OVCH1: variants seen among roughly 807,000 people sequenced by gnomAD.
The protein encoded by OVCH1 is ovochymase-1.
OVCH1 carries 139 observed loss-of-function variants against 138.4 expected under a neutral mutation model. The observed-to-expected ratio is 1.00, with a 90% confidence interval of 0.87 to 1.16. The LOEUF is 1.16. OVCH1 is among the 50% of genes most tolerant of loss of function. The pLI is 0.00. For missense variants in OVCH1, 1,367 were observed against 1,357.9 expected, an observed-to-expected ratio of 1.01 and a Z score of -0.11; for synonymous variants, 453 against 467.8, an observed-to-expected ratio of 0.97 and a Z score of 0.41.
intron 3 of OVCH1, among the ~76,000 whole-genome samples, chr12:29,413,940 A>G (rs1940997063): frequency 1.3e-5 from 2 of 151,850 alleles, no homozygotes; most frequent in Admixed American, 6.6e-5. Context: ...CTTTCTGCCA[A>G]ATTTTCTTGA....
intron 21 of OVCH1, 45 bp downstream of exon 21, chr12:29,454,796 A>G (rs934397191): frequency 1.6e-5 from 25 of 1,522,356 alleles, no homozygotes; most frequent in Non-Finnish European, 2.1e-5. Flanking sequence ...CTTCTTGCCA[A>G]ATTCTGGCTG....
intron 6 of OVCH1, among the ~76,000 whole-genome samples, chr12:29,489,337 G>T (rs1943210454): frequency 6.6e-6 from 1 of 152,172 alleles, no homozygotes. Flanking sequence ...TTGTGAAAGT[G>T]GTCATCTTGC....
intron 27 of OVCH1, among the ~76,000 whole-genome samples, chr12:29,431,229 G>C (rs1401569433): frequency 6.6e-6 from 1 of 152,098 alleles, no homozygotes; most frequent in African/African-American, 2.4e-5. Context: ...TTGAGCCCAG[G>C]AGGTTGAGAC....
intron 19 of OVCH1, among the ~76,000 whole-genome samples, chr12:29,461,307 A>G (rs534896123): frequency 6.6e-6 from 1 of 152,180 alleles, no homozygotes; most frequent in Non-Finnish European, 1.5e-5. Flanking sequence ...GACTTTGTGA[A>G]GGTTAAAGCT....
intron 8 of OVCH1, among the ~76,000 whole-genome samples, chr12:29,483,993 TA>T (rs1943016281): frequency 6.6e-6 from 1 of 152,226 alleles, no homozygotes; most frequent in African/African-American, 2.4e-5. Flanking sequence ...TCTTGTAGTA[TA>T]GTTATTTTTG....
At chr12:29,442,483 GA>G (rs1252904519) in intron 25 of OVCH1, among the ~76,000 whole-genome samples, 1 of 99,562 alleles carries the variant, frequency 1.0e-5, no homozygotes, top group African/African-American at 3.9e-5. Context: ...GGGGTGGGGG[GA>G]GGGGGGAGGG....
At chr12:29,433,249 G>A (rs1310596246) in intron 27 of OVCH1, among the ~76,000 whole-genome samples, 2 of 152,178 alleles carry the variant, frequency 1.3e-5, no homozygotes, top group Non-Finnish European at 2.9e-5. Flanking sequence ...GAGGGACCCG[G>A]TAGGAGGTAA....
intron 14 of OVCH1, 68 bp from the exon 15 acceptor site, chr12:29,473,171 C>T: frequency 3.5e-6 from 4 of 1,130,836 alleles, no homozygotes; most frequent in East Asian, 2.6e-5. Context: ...CACTTGCTTA[C>T]CCTGGTAAAT....
the OVCH1 span, among the ~76,000 whole-genome samples, chr12:29,405,395 A>G: frequency 6.6e-6 from 1 of 152,204 alleles, no homozygotes; most frequent in East Asian, 1.9e-4. Context: ...GTGTTTTTAA[A>G]TATCCATACC....
At chr12:29,453,485 A>G (rs2135948651) in intron 21 of OVCH1, among the ~76,000 whole-genome samples, 1 of 152,104 alleles carries the variant, frequency 6.6e-6, no homozygotes, top group South Asian at 2.1e-4. Flanking sequence ...CAGCCCCTAG[A>G]CACTTGATCA....
At chr12:29,405,053 A>AAAAAAG in the OVCH1 span, among the ~76,000 whole-genome samples, 1 of 124,774 alleles carries the variant, frequency 8.0e-6, no homozygotes, top group African/African-American at 2.8e-5. Flanking sequence ...AAAAAAAAAA[A>AAAAAAG]AAACAAAAGA....
intron 3 of OVCH1, among the ~76,000 whole-genome samples, chr12:29,414,670 A>C (rs1941008625): frequency 6.6e-6 from 1 of 152,210 alleles, no homozygotes; most frequent in African/African-American, 2.4e-5. Context: ...AATCTTTAAA[A>C]TATTTTTACC....
chr12:29,442,216 C>T (rs989258995), intron 25 of OVCH1, among the ~76,000 whole-genome samples: 1 of 152,000 alleles, frequency 6.6e-6, no homozygotes, highest in African/African-American at 2.4e-5. Flanking sequence ...AGACTTGGAA[C>T]CAAGCCAAAT....
At chr12:29,431,849 T>A (rs1436314) in intron 27 of OVCH1, among the ~76,000 whole-genome samples, 1 of 152,122 alleles carries the variant, frequency 6.6e-6, no homozygotes, top group Non-Finnish European at 1.5e-5. Flanking sequence ...GTCTCTTACC[T>A]GAGTTAACCC....
At chr12:29,406,090 A>T in the OVCH1 span, among the ~76,000 whole-genome samples, 1 of 152,194 alleles carries the variant, frequency 6.6e-6, no homozygotes, top group South Asian at 2.1e-4. Flanking sequence ...ACCTTCAAGT[A>T]TGAGTTTTCA....
chr12:29,447,522 C>T (rs957275670), intron 22 of OVCH1, among the ~76,000 whole-genome samples: 1 of 152,064 alleles, frequency 6.6e-6, no homozygotes, highest in Non-Finnish European at 1.5e-5. Flanking sequence ...GTCCGAGTCC[C>T]TAGGTGTTGA....
the OVCH1 span, among the ~76,000 whole-genome samples, chr12:29,403,180 T>C: frequency 3.9e-5 from 6 of 152,208 alleles, no homozygotes; most frequent in East Asian, 1.2e-3. Flanking sequence ...ATTACAATTA[T>C]TAGGCTGAAT....
At chr12:29,487,599 G>C (rs1238963991) in intron 7 of OVCH1, 94 bp downstream of exon 7, 20 of 1,227,484 alleles carry the variant, frequency 1.6e-5, no homozygotes, top group Non-Finnish European at 2.2e-5. Context: ...CCTCATTCTT[G>C]CTTTGTTCTA....
At chr12:29,487,916 A>G in intron 6 of OVCH1, 34 bp from the exon 7 acceptor site, 2 of 1,561,896 alleles carry the variant, frequency 1.3e-6, no homozygotes, top group South Asian at 1.2e-5. Context: ...AAATTTGAAA[A>G]TAGCCACAGT....
Sources: allele counts gnomAD v4.1 joint callset (sites outside exome capture counted in the v4.1 genomes callset), GRCh38; gene constraint gnomAD v4.1.1; transcripts MANE v1.5; gene names NCBI Gene and HGNC (gene_info 2026-07-23, HGNC 2026-07-21).